The following TMPRSS2 variants were observed in gnomAD, a reference collection of about 807,000 sequenced individuals.
TMPRSS2 encodes transmembrane serine protease 2, also known as transmembrane protease serine 2.
In TMPRSS2, 59 loss-of-function variants were observed where a neutral mutation model predicts 67.4. The ratio of observed to expected loss-of-function variants is 0.88; its 90% CI spans 0.71 to 1.09. TMPRSS2 has a LOEUF of 1.09. Ranked by LOEUF, TMPRSS2 falls within the 50% of genes least tolerant of loss-of-function variation. TMPRSS2 has a pLI of 0.00. For synonymous variants in TMPRSS2, 257 were observed against 257.0 expected (o/e 1.00, Z 0.00); for missense variants, 668 against 642.7 (o/e 1.04, Z -0.43).
In TMPRSS2 at chr21:41,494,404, C is replaced by G. The variant is rs574582815; in HGVS notation, c.190G>C (p.Val64Leu). 34 of 1,610,698 alleles carry G rather than the reference C, an allele frequency of 2.1e-5. No individual in the cohort carries two copies. Among genetic ancestry groups the G allele is most frequent in the Non-Finnish European group, 1.4e-5 (17 of 1,179,166 alleles). ...PRVLTQASNP[V>L]VCTQPKSPSG... ...GGGGATTTGGGCTGCGTGCAGACGA[C>G]GGGGTTGGAAGCCTGCGTCAGGACC... Residue 64 changes from valine (V) to leucine (L), a missense_variant, in exon 3 of 14, where the codon GTC becomes CTC. Val to Leu is a conservative substitution (Grantham distance 32, BLOSUM62 1). Transcript: ENST00000332149.
chr21:41,468,712 T>C, intron 11 of TMPRSS2, 174 bp from the exon 12 acceptor site: 1 of 660,106 alleles, frequency 1.5e-6, no homozygotes, highest in Non-Finnish European at 2.5e-6. Flanking sequence ...GAAACCTGGA[T>C]TCTCCTTACA....
At chr21:41,473,678 C>G (rs1376840873) in intron 8 of TMPRSS2, among the ~76,000 whole-genome samples, 182 bp from the exon 9 acceptor site, 1 of 151,840 alleles carries the variant, frequency 6.6e-6, no homozygotes, top group East Asian at 2.0e-4. Context: ...CCCCTCCAGC[C>G]CACCCAGACC....
chr21:41,494,281 A>C, intron 3 of TMPRSS2, 75 bp downstream of exon 3: 1 of 1,490,036 alleles, frequency 6.7e-7, no homozygotes, highest in South Asian at 1.2e-5. Flanking sequence ...TGGTGTTGGG[A>C]GCAGAGAGCC....
chr21:41,490,858 G>A (rs1458609835), intron 3 of TMPRSS2, among the ~76,000 whole-genome samples: 2 of 152,352 alleles, frequency 1.3e-5, no homozygotes. Context: ...AGGTGGAGGA[G>A]AGGGGAGGAG....
intron 3 of TMPRSS2, among the ~76,000 whole-genome samples, chr21:41,490,532 C>T (rs1025806712): frequency 3.9e-5 from 6 of 152,234 alleles, no homozygotes; most frequent in Admixed American, 2.0e-4. Context: ...TGCTGGACAG[C>T]GCCAGTGCAG....
chr21:41,473,086 G>A (rs146142989), intron 9 of TMPRSS2, among the ~76,000 whole-genome samples: 14 of 152,276 alleles, frequency 9.2e-5, no homozygotes, highest in African/African-American at 9.6e-5. Flanking sequence ...CGGCGACATC[G>A]TGGAGAATGT....
At chr21:41,472,772 C>T (rs904310360) in intron 9 of TMPRSS2, among the ~76,000 whole-genome samples, 1 of 152,168 alleles carries the variant, frequency 6.6e-6, no homozygotes, top group African/African-American at 2.4e-5. Context: ...CCAAGTGAGG[C>T]CTCCTCCAAA....
Position 41,465,618 on chromosome 21 carries a change from T to G in TMPRSS2, c.*524A>C. ...TCACCACCCATGAAGGGCTGGTCCC[T>G]TTATTTCTGGCCACCATCCAGGGCT... On this transcript the variant is annotated 3_prime_UTR_variant, in exon 14 of 14. Transcript: ENST00000332149. The G allele has an allele frequency of 4.2e-6, 1 of 236,748 alleles. No homozygotes were observed. Among genetic ancestry groups the G allele is most frequent in the Non-Finnish European group, 8.3e-6 (1 of 120,680 alleles). 14.7% of individuals were successfully genotyped at this position (236,748 alleles called of 1,614,324 possible).
At chr21:41,473,617 G>T in intron 8 of TMPRSS2, 121 bp from the exon 9 acceptor site, 1 of 1,153,070 alleles carries the variant, frequency 8.7e-7, no homozygotes, top group Non-Finnish European at 1.2e-6. Context: ...ACCACTGCTG[G>T]GGATGGACTT....
chr21:41,483,777 T>TC (rs1198668222), intron 5 of TMPRSS2, among the ~76,000 whole-genome samples: 4 of 151,594 alleles, frequency 2.6e-5, no homozygotes, highest in Non-Finnish European at 5.9e-5. Flanking sequence ...TTTTTTTTTT[T>TC]TTTTTAAATA....
chr21:41,466,672 C>A (rs998291267), intron 13 of TMPRSS2, among the ~76,000 whole-genome samples: 6 of 152,210 alleles, frequency 3.9e-5, no homozygotes, highest in Admixed American at 2.6e-4. Flanking sequence ...TCCCGCGTGT[C>A]ATTTGAAGGA....
chr21:41,502,843 CCCA>C (rs1157517159), intron 1 of TMPRSS2, among the ~76,000 whole-genome samples: 1 of 152,166 alleles, frequency 6.6e-6, no homozygotes, highest in Non-Finnish European at 1.5e-5. Flanking sequence ...GACTCATTGT[CCCA>C]AAGAGATTAC....
rs1241437604 is a variant in TMPRSS2 at position 41,478,659 on chromosome 21, C to G, written c.683+513G>C. On this transcript the variant is annotated intron_variant, in intron 7 of 13. Transcript: ENST00000332149. The surrounding 1 kb of genome is among the most constrained non-coding windows in gnomAD (Gnocchi z 4.0). ...CAGGCCGCCAGAATGCTGCCCATCC[C>G]TCACAGAGCACCCTCTGGCACTGCT... Among the ~76,000 whole-genome samples, 2 of 152,290 alleles carry G rather than the reference C, an allele frequency of 1.3e-5. No homozygotes were observed. Among genetic ancestry groups the G allele is most frequent in the Admixed American group, 6.5e-5 (1 of 15,310 alleles).
At chr21:41,467,916 G>A in intron 12 of TMPRSS2, 30 bp from the exon 13 acceptor site, 1 of 1,613,700 alleles carries the variant, frequency 6.2e-7, no homozygotes, top group Non-Finnish European at 8.5e-7. Context: ...ACAGAGAGCA[G>A]AAAATCAAGT....
intron 1 of TMPRSS2, chr21:41,502,440 G>A (rs563053165): frequency 1.2e-5 from 12 of 985,230 alleles, no homozygotes; most frequent in African/African-American, 5.2e-5. Flanking sequence ...GGTACGGTTC[G>A]AGTTGCTGGA....
rs143523726 is a variant in TMPRSS2, at chr21:41,494,711, A to G, written c.16-133T>C. ...GATAATGTTTTTATTTTATTTTGTG[A>G]AATATGCATCCTGTCTATACAACTT... On this transcript the variant is annotated intron_variant, in intron 2 of 13. Transcript: ENST00000332149. The G allele has an allele frequency of 8.0e-5, 70 of 877,140 alleles. No individual in the cohort carries two copies. The African/African-American group carries it at 9.0e-4, about 11-fold the overall frequency. The allele number at this position is 877,140 out of a possible 1,614,324, so 54.3% of individuals were successfully genotyped here. A position where few individuals can be genotyped will look rare whatever the true frequency, so the allele number is the denominator to read the frequency against.
At chr21:41,481,765 A>G (rs1382474034) in intron 5 of TMPRSS2, among the ~76,000 whole-genome samples, 1 of 152,144 alleles carries the variant, frequency 6.6e-6, no homozygotes, top group Non-Finnish European at 1.5e-5. Context: ...AGCTGTTTTT[A>G]AAAATATATA....
chr21:41,492,506 T>C (rs950591150), intron 3 of TMPRSS2, among the ~76,000 whole-genome samples: 4 of 152,230 alleles, frequency 2.6e-5, no homozygotes, highest in Non-Finnish European at 5.9e-5. Context: ...ACTCAATAAC[T>C]GGGAGAAGAG....
In TMPRSS2 at chr21:41,473,342, G is replaced by A. The variant is rs562033822; in HGVS notation, c.882C>T (p.Ala294=). ...SIITPEWIVT[A]AHCVEKPLNN... ...TGGCATACTTTTCCACGCAGTGGGC[G>A]GCTGTCACGATCCACTCGGGGGTGA... is the stretch of plus-strand genomic sequence containing the variant. Residue 294 remains alanine, a synonymous_variant, in exon 9 of 14, where the codon GCC becomes GCT. Coordinates refer to ENST00000332149, the MANE Select transcript of TMPRSS2 (RefSeq NM_005656.4). 3.0e-5 allele frequency: 48 copies of A among 1,603,670 alleles called. No individual in the cohort carries two copies. The highest frequency in any genetic ancestry group is 1.6e-4 in the African/African-American group (12 of 74,854).
Sources: allele counts gnomAD v4.1 joint callset (sites outside exome capture counted in the v4.1 genomes callset), GRCh38; gene constraint gnomAD v4.1.1; non-coding constraint Gnocchi (gnomAD v3.1); transcripts MANE v1.5; gene names NCBI Gene and HGNC (gene_info 2026-07-23, HGNC 2026-07-21).